The following PARPBP variants were observed in gnomAD, a reference collection of about 807,000 sequenced individuals.
PARPBP encodes the protein PARP1 binding protein, also known as PCNA-interacting partner.
PARPBP carries 52 observed loss-of-function variants against 50.0 expected under a neutral mutation model. The observed-to-expected ratio is 1.04, with a 90% confidence interval of 0.83 to 1.31. The LOEUF (loss-of-function observed/expected upper bound fraction) is 1.31, where lower values mean the gene tolerates loss of function less well. Ranked by LOEUF, PARPBP falls within the 50% of genes most tolerant of loss-of-function variation. The pLI is 0.00. For missense variants in PARPBP, 697 were observed against 672.0 expected, an observed-to-expected ratio of 1.04 and a Z score of -0.41; for synonymous variants, 244 against 232.1, an observed-to-expected ratio of 1.05 and a Z score of -0.47.
intron 1 of PARPBP, chr12:102,120,622 C>T: frequency 5.2e-6 from 2 of 385,162 alleles, no homozygotes; most frequent in South Asian, 3.7e-5. Flanking sequence ...CAACTTTCTC[C>T]TACTCCTGAT....
At chr12:102,138,475 A>G (rs1884024729) in intron 2 of PARPBP, among the ~76,000 whole-genome samples, 1 of 152,100 alleles carries the variant, frequency 6.6e-6, no homozygotes, top group Non-Finnish European at 1.5e-5. Context: ...CTCTGATGGT[A>G]GTTTCTTTTG....
chr12:102,182,882 G>A (rs1889967911), intron 9 of PARPBP, among the ~76,000 whole-genome samples: 1 of 152,146 alleles, frequency 6.6e-6, no homozygotes, highest in Non-Finnish European at 1.5e-5. Context: ...TATTGTAAGT[G>A]TTGAATAAAT....
At chr12:102,140,271 A>G (rs1884359247) in intron 2 of PARPBP, among the ~76,000 whole-genome samples, 2 of 152,156 alleles carry the variant, frequency 1.3e-5, no homozygotes, top group African/African-American at 4.8e-5. Context: ...TCATTTGCAT[A>G]GAGGTGTTTA....
chr12:102,161,286 T>G (rs1489245391), intron 4 of PARPBP, among the ~76,000 whole-genome samples: 2 of 152,048 alleles, frequency 1.3e-5, no homozygotes, highest in Non-Finnish European at 2.9e-5. Flanking sequence ...TTTTGTATTT[T>G]TAGTAGAGAC....
chr12:102,168,495 T>C (rs1888375006), intron 6 of PARPBP, among the ~76,000 whole-genome samples: 1 of 152,164 alleles, frequency 6.6e-6, no homozygotes, highest in African/African-American at 2.4e-5. Flanking sequence ...CTTTTTTGTG[T>C]TGATTTGTTT....
intron 4 of PARPBP, 148 bp from the exon 5 acceptor site, chr12:102,164,290 C>T (rs1267088007): frequency 4.8e-6 from 3 of 629,522 alleles, no homozygotes; most frequent in Non-Finnish European, 8.1e-6. Context: ...GATTGCCCAA[C>T]CTGTTTTTAT....
At chr12:102,132,489 C>T (rs1883019946) in intron 2 of PARPBP, among the ~76,000 whole-genome samples, 1 of 151,986 alleles carries the variant, frequency 6.6e-6, no homozygotes, top group African/African-American at 2.4e-5. Context: ...TATCTTGGTT[C>T]TCAATTCTGT....
intron 2 of PARPBP, among the ~76,000 whole-genome samples, chr12:102,127,421 C>T (rs546797067): frequency 6.6e-6 from 1 of 151,540 alleles, no homozygotes; most frequent in Admixed American, 6.6e-5. Context: ...AAAGAAATTA[C>T]ATTTATGTCA....
chr12:102,177,419 A>G (rs1030436450), intron 7 of PARPBP, among the ~76,000 whole-genome samples: 1 of 152,244 alleles, frequency 6.6e-6, no homozygotes, highest in African/African-American at 2.4e-5. Flanking sequence ...TACAGGATAT[A>G]CAACTAAGCA....
intron 2 of PARPBP, among the ~76,000 whole-genome samples, chr12:102,136,992 T>C (rs1258637292): frequency 6.6e-6 from 1 of 152,166 alleles, no homozygotes. Flanking sequence ...TCTCACTCTG[T>C]CACCCAGGCT....
At chr12:102,190,699 G>A (rs1022219493) in intron 9 of PARPBP, among the ~76,000 whole-genome samples, 1 of 152,130 alleles carries the variant, frequency 6.6e-6, no homozygotes, top group African/African-American at 2.4e-5. Flanking sequence ...AGGAGGGGAT[G>A]GCAACAGGAG....
Position 102,148,426 on chromosome 12 carries a change from T to C in PARPBP, c.350T>C (p.Leu117Ser). The change falls in exon 3 of 11, where the codon TTG becomes TCG. Residue 117 changes from leucine (L) to serine (S), a missense_variant. Physicochemically the swap from Leu to Ser is moderately radical, Grantham distance 145. Coordinates refer to ENST00000327680, the MANE Select transcript of PARPBP (RefSeq NM_017915.5). ...GATGTTTATCAAAAATGTAGGGCTT[T>C]GACTTCTAATTGTGAAAATTATAAC... ...LIDVYQKCRA[L>S]TSNCENYNTV... 1 of 1,512,210 alleles carries C rather than the reference T, an allele frequency of 6.6e-7. No individual in the cohort carries two copies. The highest frequency in any genetic ancestry group is 9.2e-7 in the Non-Finnish European group (1 of 1,091,326). 93.7% of individuals were successfully genotyped at this position (1,512,210 alleles called of 1,614,324 possible). A position where few individuals can be genotyped will look rare whatever the true frequency, so the allele number is the denominator to read the frequency against.
intron 2 of PARPBP, among the ~76,000 whole-genome samples, chr12:102,147,215 G>C (rs1284823637): frequency 6.6e-6 from 1 of 152,100 alleles, no homozygotes; most frequent in African/African-American, 2.4e-5. Context: ...CCCATTGCTG[G>C]GTATATACCC....
At chr12:102,174,448 A>G (rs1383562328) in intron 6 of PARPBP, among the ~76,000 whole-genome samples, 2 of 152,256 alleles carry the variant, frequency 1.3e-5, no homozygotes, top group Admixed American at 1.3e-4. Context: ...TAAAACATAC[A>G]ACCTGGCAAT....
Position 102,142,778 on chromosome 12 carries a change from G to A in PARPBP, c.154-5452G>A, listed in dbSNP as rs562616017. On this transcript the variant is annotated intron_variant, in intron 2 of 10. Transcript: ENST00000327680. ...TCCACTCCAGACTCTGTTTGCCTGG[G>A]TATCACCAGTGGAGGCTGCAGAACA... Among the ~76,000 whole-genome samples the A allele has an allele frequency of 9.2e-5, 14 of 152,316 alleles. No individual in the cohort carries two copies. The South Asian group carries it at 1.9e-3, about 20-fold the overall frequency.
chr12:102,188,050 A>G (rs1214735106), intron 9 of PARPBP, among the ~76,000 whole-genome samples: 1 of 152,144 alleles, frequency 6.6e-6, no homozygotes, highest in Non-Finnish European at 1.5e-5. Context: ...AAGGAACTCT[A>G]TTGAGGAACA....
chr12:102,178,757 C>T lies in PARPBP; in HGVS notation c.1171C>T (p.Leu391Phe), dbSNP rs762547785. ...AATCCATCATCATGGAACGTCTATT[C>T]TTACACTTTTTAGGTAAGTTATGTG... ...NTIHHHGTSILTLFRSPTQVN... is the reference protein window; with the variant it reads ...NTIHHHGTSIFTLFRSPTQVN... Residue 391 changes from leucine to phenylalanine, a missense_variant, in exon 8 of 11, where the codon CTT becomes TTT. Coordinates refer to ENST00000327680, the MANE Select transcript of PARPBP (RefSeq NM_017915.5). The T allele has an allele frequency of 6.2e-7, 1 of 1,604,956 alleles. No individual in the cohort carries two copies. The highest frequency in any genetic ancestry group is 1.1e-5 in the South Asian group (1 of 89,572).
At chr12:102,162,872 T>C (rs901633058) in intron 4 of PARPBP, among the ~76,000 whole-genome samples, 2 of 152,220 alleles carry the variant, frequency 1.3e-5, no homozygotes, top group Non-Finnish European at 2.9e-5. Context: ...ATTTATCTTT[T>C]TATTTTTCCT....
At chr12:102,179,486 G>A (rs762196056) in intron 8 of PARPBP, among the ~76,000 whole-genome samples, 3 of 152,208 alleles carry the variant, frequency 2.0e-5, no homozygotes, top group Non-Finnish European at 4.4e-5. Flanking sequence ...CAGGGTGCCA[G>A]CATGGTCAGG....
Sources: gnomAD v4.1 joint callset for allele counts (sites outside exome capture counted in the v4.1 genomes callset) on GRCh38, gnomAD v4.1.1 for gene constraint, MANE v1.5 for transcripts, NCBI Gene and HGNC (gene_info 2026-07-23, HGNC 2026-07-21) for gene names.